The following SLCO3A1 variants were observed in gnomAD, a reference collection of about 807,000 sequenced individuals.
SLCO3A1 encodes the protein PGE1 transporter.
In SLCO3A1, 27 loss-of-function variants were observed where a neutral mutation model predicts 63.1. The observed-to-expected ratio is 0.43, with a 90% confidence interval of 0.32 to 0.59. The LOEUF (loss-of-function observed/expected upper bound fraction) is 0.59. SLCO3A1 is among the 20% of genes least tolerant of loss of function. The pLI, the probability that SLCO3A1 is intolerant of heterozygous loss-of-function variation, is 0.09. For synonymous variants in SLCO3A1, 473 were observed against 409.9 expected (o/e 1.15, Z -1.86); for missense variants, 773 against 945.8 (o/e 0.82, Z 2.40).
intron 2 of SLCO3A1, among the ~76,000 whole-genome samples, chr15:91,923,633 G>A (rs376275460): frequency 8.5e-5 from 13 of 152,100 alleles, no homozygotes; most frequent in African/African-American, 2.2e-4. Flanking sequence ...TTTAAATAAC[G>A]TATTCTTATT....
rs999271045 is a variant in SLCO3A1 at position 91,897,961 on chromosome 15, T to C, written c.181-18032T>C. Among the ~76,000 whole-genome samples the C allele has an allele frequency of 2.6e-5, 4 of 152,310 alleles. No individual in the cohort carries two copies. The highest frequency in any genetic ancestry group is 3.4e-3 in the Middle Eastern group (1 of 294). On this transcript the variant is annotated intron_variant, in intron 1 of 9. Coordinates refer to ENST00000318445, the MANE Select transcript of SLCO3A1 (RefSeq NM_013272.4). This position sits in a 1 kb window ranked among gnomAD's most constrained non-coding sequence, Gnocchi z 4.7. Reference sequence around the variant, plus strand: ...ACGGGGTTTTTAAATTAGAAAGATATCATGAGATGCAGAAAGCAGGTGCTC... The same window carrying C: ...ACGGGGTTTTTAAATTAGAAAGATACCATGAGATGCAGAAAGCAGGTGCTC...
chr15:92,091,699 G>A lies in SLCO3A1; in HGVS notation c.647-3182G>A, dbSNP rs78793654. On this transcript the variant is annotated intron_variant, in intron 2 of 9. Coordinates refer to ENST00000318445, the MANE Select transcript of SLCO3A1 (RefSeq NM_013272.4). The stretch of plus-strand genomic sequence containing the variant: ...GTTGCAGGTGGTGGTTTACCTTGAG[G>A]TCCGTGTGACGAGGAGCGACATAGA... Among the ~76,000 whole-genome samples the A allele has an allele frequency of 1.8e-3, 269 of 152,344 alleles. 1 individual carries two copies. Among genetic ancestry groups the A allele is most frequent in the African/African-American group, 6.1e-3 (254 of 41,574 alleles).
At chr15:91,963,125 C>G (rs1004285232) in intron 2 of SLCO3A1, among the ~76,000 whole-genome samples, 29 of 152,006 alleles carry the variant, frequency 1.9e-4, no homozygotes, top group Admixed American at 1.8e-3. Flanking sequence ...CCTTCAGACC[C>G]CCAATACACC....
At chr15:91,876,673 T>C (rs368372745) in intron 1 of SLCO3A1, among the ~76,000 whole-genome samples, 2 of 152,188 alleles carry the variant, frequency 1.3e-5, no homozygotes, top group Non-Finnish European at 2.9e-5. Context: ...GGATAAGTGG[T>C]AGGTTCCGGA....
chr15:92,096,870 G>A (rs1196846610), intron 3 of SLCO3A1, among the ~76,000 whole-genome samples: 1 of 152,220 alleles, frequency 6.6e-6, no homozygotes, highest in Non-Finnish European at 1.5e-5. Context: ...GAGTGCTGGT[G>A]TTTTGCAGCC....
intron 2 of SLCO3A1, among the ~76,000 whole-genome samples, chr15:92,045,173 G>A (rs527423877): frequency 1.3e-4 from 20 of 151,778 alleles, no homozygotes; most frequent in Non-Finnish European, 2.5e-4. Flanking sequence ...CCAGCTACTC[G>A]GGAGGCTGAG....
At chr15:91,995,545 A>T (rs566642406) in intron 2 of SLCO3A1, among the ~76,000 whole-genome samples, 1 of 152,322 alleles carries the variant, frequency 6.6e-6, no homozygotes, top group Admixed American at 6.5e-5. Context: ...CAATGTGAAG[A>T]CATTTTGGCA....
At chr15:92,134,187 G>A (rs1419712378) in intron 7 of SLCO3A1, among the ~76,000 whole-genome samples, 1 of 152,186 alleles carries the variant, frequency 6.6e-6, no homozygotes, top group Non-Finnish European at 1.5e-5. Context: ...TTAAGTGTAT[G>A]TTTCCTGTCT....
chr15:91,935,784 AT>A (rs780492665), intron 2 of SLCO3A1, among the ~76,000 whole-genome samples: 9 of 151,430 alleles, frequency 5.9e-5, no homozygotes, highest in Non-Finnish European at 1.3e-4. Flanking sequence ...CTTTTAGGAG[AT>A]TTTACACTTC....
At chr15:92,016,838 T>G (rs1211230693) in intron 2 of SLCO3A1, among the ~76,000 whole-genome samples, 2 of 152,048 alleles carry the variant, frequency 1.3e-5, no homozygotes, top group African/African-American at 4.8e-5. Flanking sequence ...GCCTGTGGAT[T>G]TGAGGTGGCA....
At chr15:92,080,664 G>C (rs1228752961) in intron 2 of SLCO3A1, among the ~76,000 whole-genome samples, 2 of 152,198 alleles carry the variant, frequency 1.3e-5, no homozygotes, top group Admixed American at 6.5e-5. Context: ...CGGTGCCCCA[G>C]AGGCCACACG....
intron 4 of SLCO3A1, among the ~76,000 whole-genome samples, chr15:92,118,030 A>C (rs895169669): frequency 6.6e-6 from 1 of 152,260 alleles, no homozygotes; most frequent in African/African-American, 2.4e-5. Flanking sequence ...ATTTCTAAAA[A>C]TTCAGATGAT....
chr15:91,915,953 T>A (rs1274750942), intron 1 of SLCO3A1, 40 bp from the exon 2 acceptor site: 4 of 1,540,606 alleles, frequency 2.6e-6, no homozygotes, highest in East Asian at 4.5e-5. Context: ...CCTGGGCATC[T>A]TCTTGGATTG....
At position 91,854,291 on chromosome 15, in the gene SLCO3A1, C is replaced by T; in HGVS notation, c.180+203C>T. 2 of 1,098,116 alleles carry T rather than the reference C, an allele frequency of 1.8e-6. No individual in the cohort carries two copies. Among genetic ancestry groups the T allele is most frequent in the Non-Finnish European group, 2.2e-6 (2 of 901,266 alleles). The allele number at this position is 1,098,116 out of a possible 1,614,324, so 68.0% of individuals were successfully genotyped here. On this transcript the variant is annotated intron_variant, in intron 1 of 9. Transcript: ENST00000318445. The surrounding 1 kb of genome is among the most constrained non-coding windows in gnomAD (Gnocchi z 6.4). ...CCAGCGAGCGGGTAGCGGGCGGGAC[C>T]GTTGATGCCGGTAGCAGCTCGCGCG...
chr15:92,118,904 T>C (rs891394819), intron 4 of SLCO3A1, among the ~76,000 whole-genome samples: 2 of 152,242 alleles, frequency 1.3e-5, no homozygotes, highest in Admixed American at 6.5e-5. Context: ...CTCTATAATT[T>C]TTGCTTTATT....
chr15:92,056,193 C>G (rs1245715997), intron 2 of SLCO3A1, among the ~76,000 whole-genome samples: 2 of 152,140 alleles, frequency 1.3e-5, no homozygotes, highest in African/African-American at 4.8e-5. Context: ...TTTCCAGGTT[C>G]CGGTTCCTTC....
Position 92,104,288 on chromosome 15 carries a change from A to G in SLCO3A1, c.755A>G (p.Asp252Gly). 10 of 1,614,068 alleles carry G rather than the reference A, an allele frequency of 6.2e-6. No homozygotes were observed. Among genetic ancestry groups the G allele is most frequent in the Non-Finnish European group, 8.5e-6 (10 of 1,180,012 alleles). ...CTCTTTCCATTTACAGGTAACCTGG[A>G]CATCACTCCGGACGACCCCCGCTGG... ...DAVFIDTSNLDITPDDPRWIG... is the reference protein window; with the variant it reads ...DAVFIDTSNLGITPDDPRWIG... The change falls in exon 4 of 10, where the codon GAC becomes GGC. Residue 252 changes from aspartate to glycine, a missense_variant. Coordinates refer to ENST00000318445, the MANE Select transcript of SLCO3A1 (RefSeq NM_013272.4).
At chr15:92,002,512 G>GA (rs1208996261) in intron 2 of SLCO3A1, among the ~76,000 whole-genome samples, 3 of 152,050 alleles carry the variant, frequency 2.0e-5, no homozygotes, top group Non-Finnish European at 2.9e-5. Flanking sequence ...TCTGTTTTAA[G>GA]AAAAAAAATT....
rs1567168806 is a variant in SLCO3A1 at position 91,880,174 on chromosome 15, T to TATCC, written c.180+26089_180+26090insCATC. Among the ~76,000 whole-genome samples the TATCC allele has an allele frequency of 2.7e-5, 4 of 146,030 alleles. No homozygotes were observed. In the East Asian group the frequency reaches 8.0e-4, roughly 29 times the overall value. ...CCATCCATCCATCCATCCATCCATC[T>TATCC]ATCTATCTATCTATCTATCTATCAT... On this transcript the variant is annotated intron_variant, in intron 1 of 9. Transcript: ENST00000318445.
Sources: gnomAD v4.1 joint callset for allele counts (sites outside exome capture counted in the v4.1 genomes callset) on GRCh38, gnomAD v4.1.1 for gene constraint, Gnocchi (gnomAD v3.1) non-coding constraint, MANE v1.5 for transcripts, NCBI Gene and HGNC (gene_info 2026-07-23, HGNC 2026-07-21) for gene names.